Variants in ZNF136 observed in about 807,000 individuals in gnomAD.
ZNF136 encodes zinc finger protein 136, also known as zinc finger protein 136 (clone pHZ-20).
ZNF136 carries 8 observed loss-of-function variants against 11.4 expected under a neutral mutation model. The ratio of observed to expected loss-of-function variants is 0.70; its 90% confidence interval spans 0.41 to 1.27. ZNF136 has a LOEUF of 1.27. Among genes scored for constraint, ZNF136 ranks in the 50% most tolerant of loss-of-function variants. The pLI, the probability that ZNF136 is intolerant of heterozygous loss-of-function variation, is 0.01. For missense variants in ZNF136, 590 were observed against 656.5 expected (o/e 0.90, Z 1.11); for synonymous variants, 190 against 207.1 (o/e 0.92, Z 0.71).
chr19:12,171,530 T>A (rs1396587707), intron 1 of ZNF136, among the ~76,000 whole-genome samples: 2 of 152,220 alleles, frequency 1.3e-5, no homozygotes, highest in South Asian at 4.1e-4. Context: ...CTTGTCACAT[T>A]AAAGTCATTT....
At position 12,189,006 on chromosome 19, in the gene ZNF136, A is replaced by G. The variant is rs1398892607; in HGVS notation, c.*1005A>G. ...ATTTCAAATGCTTAATCTCACAAAG[A>G]AATGTTAAATTGATATAATCCTGTA... is the stretch of plus-strand genomic sequence containing the variant. On this transcript the variant is annotated 3_prime_UTR_variant, in exon 4 of 4. Transcript: ENST00000343979. The G allele has an allele frequency of 6.6e-6, 1 of 152,222 alleles. No homozygotes were observed. The allele number at this position is 152,222 out of a possible 1,614,324, so 9.4% of individuals were successfully genotyped here. A position where few individuals can be genotyped will look rare whatever the true frequency, so the allele number is the denominator to read the frequency against.
chr19:12,187,389 A>G lies in ZNF136; in HGVS notation c.1011A>G (p.Val337=). ...TTCACACTGGTGAGAAACCCTTCGT[A>G]TGTAAACAATGTGGTAAAGCCTTTA... ...ERIHTGEKPF[V]CKQCGKAFRS... Residue 337 remains valine (V), a synonymous_variant, in exon 4 of 4, where the codon GTA becomes GTG. Transcript: ENST00000343979. 6.2e-7 allele frequency: 1 copy of G among 1,614,116 alleles called. No individual in the cohort carries two copies. The highest frequency in any genetic ancestry group is 1.1e-5 in the South Asian group (1 of 91,078).
intron 1 of ZNF136, among the ~76,000 whole-genome samples, chr19:12,177,327 A>G (rs1015259591): frequency 6.6e-6 from 1 of 152,206 alleles, no homozygotes; most frequent in African/African-American, 2.4e-5. Context: ...GTCCCACTTA[A>G]GTATAGAAGT....
intron 1 of ZNF136, among the ~76,000 whole-genome samples, chr19:12,165,547 A>G (rs192884934): frequency 2.8e-4 from 42 of 152,244 alleles, no homozygotes; most frequent in Admixed American, 1.2e-3. Flanking sequence ...GTATTTCTCC[A>G]TATTTTGGAG....
chr19:12,167,987 T>G (rs1914521982), intron 1 of ZNF136, among the ~76,000 whole-genome samples: 1 of 151,350 alleles, frequency 6.6e-6, no homozygotes, highest in Non-Finnish European at 1.5e-5. Context: ...TTCCATTACT[T>G]CACGGCCTTT....
At chr19:12,181,379 T>A (rs967681349) in intron 1 of ZNF136, among the ~76,000 whole-genome samples, 1 of 152,206 alleles carries the variant, frequency 6.6e-6, no homozygotes, top group Non-Finnish European at 1.5e-5. Flanking sequence ...AAATTGTAGG[T>A]ATAATTTCTG....
chr19:12,189,770 CTGT>C lies in ZNF136; in HGVS notation c.*1774_*1776del, dbSNP rs1915209289. 6.6e-6 allele frequency: 1 copy of C among 152,086 alleles called. No homozygotes were observed. Among genetic ancestry groups the C allele is most frequent in the South Asian group, 2.1e-4 (1 of 4,820 alleles). 9.4% of individuals were successfully genotyped at this position (152,086 alleles called of 1,614,324 possible). ...TAGTCTCGTGAATTATTATTTTAAC[CTGT>C]TGTTCTTTACTCCTTGTTATTTATT... On this transcript the variant is annotated 3_prime_UTR_variant, in exon 4 of 4. Transcript: ENST00000343979.
In ZNF136 at chr19:12,187,130, C is replaced by G; in HGVS notation, c.752C>G (p.Pro251Arg). ...RHMIKHTGDG[P>R]YKCKVCGKPF... ...ATGATAAAGCACACTGGAGATGGAC[C>G]TTATAAATGTAAGGTATGTGGGAAA... The change falls in exon 4 of 4, where the codon CCT (proline) becomes CGT (arginine). Residue 251 changes from proline (P) to arginine (R), a missense_variant. Pro to Arg is a moderately radical substitution (Grantham distance 103). Transcript: ENST00000343979. The G allele has an allele frequency of 6.2e-7, 1 of 1,614,114 alleles. No homozygotes were observed. Among genetic ancestry groups the G allele is most frequent in the Non-Finnish European group, 8.5e-7 (1 of 1,180,006 alleles).
intron 1 of ZNF136, chr19:12,185,108 C>A (rs1162104314): frequency 6.6e-6 from 1 of 152,220 alleles, no homozygotes; most frequent in Non-Finnish European, 1.5e-5. Flanking sequence ...CTCTTGGCAA[C>A]TATATTTATA....
chr19:12,187,702 C>G lies in ZNF136; in HGVS notation c.1324C>G (p.His442Asp). Residue 442 changes from histidine to aspartate, a missense_variant, in exon 4 of 4, where the codon CAT becomes GAT. His to Asp is a moderately conservative substitution (Grantham distance 81). Transcript: ENST00000343979. ...ATCAATTCGAATACATGAAAGAACT[C>G]ATACTGGAGAGAAACCCTATGAGTG... is the stretch of plus-strand genomic sequence containing the variant. ...STSIRIHERT[H>D]TGEKPYECKQ... is the part of the protein sequence containing the mutation. The G allele has an allele frequency of 6.2e-7, 1 of 1,614,102 alleles. No individual in the cohort carries two copies. Among genetic ancestry groups the G allele is most frequent in the Non-Finnish European group, 8.5e-7 (1 of 1,180,022 alleles).
At chr19:12,166,799 C>G (rs937958907) in intron 1 of ZNF136, among the ~76,000 whole-genome samples, 2 of 152,118 alleles carry the variant, frequency 1.3e-5, no homozygotes, top group Non-Finnish European at 2.9e-5. Flanking sequence ...CTGGATTCAT[C>G]AAACATGAGT....
intron 1 of ZNF136, among the ~76,000 whole-genome samples, chr19:12,180,057 G>A (rs970925563): frequency 2.0e-5 from 3 of 151,916 alleles, no homozygotes; most frequent in Non-Finnish European, 4.4e-5. Flanking sequence ...TAGTAGAGAC[G>A]GGGTTTCACC....
intron 1 of ZNF136, among the ~76,000 whole-genome samples, chr19:12,166,580 G>A (rs1977189791): frequency 6.6e-6 from 1 of 152,208 alleles, no homozygotes; most frequent in Admixed American, 6.5e-5. Context: ...TTGGAACTTA[G>A]CAGATTCTAA....
intron 1 of ZNF136, 135 bp from the exon 2 acceptor site, chr19:12,185,650 G>A (rs2145642074): frequency 8.8e-7 from 1 of 1,133,512 alleles, no homozygotes; most frequent in East Asian, 2.6e-5. Context: ...GTGGAAGGAA[G>A]TGAGTATGAT....
Position 12,177,558 on chromosome 19 carries a change from A to G in ZNF136, c.4-8227A>G, listed in dbSNP as rs181444519. ...GAGATGGGGTTTCACTATGTTGGCTAGGCTGCTCGTGAACTCCTGACCTCG... is the reference window on the plus strand; with the variant it reads ...GAGATGGGGTTTCACTATGTTGGCTGGGCTGCTCGTGAACTCCTGACCTCG... On this transcript the variant is annotated intron_variant, in intron 1 of 3. Transcript: ENST00000343979. Among the ~76,000 whole-genome samples, 999 of 152,274 alleles carry G rather than the reference A, an allele frequency of 6.6e-3. 16 individuals are homozygous for G. The highest frequency in any genetic ancestry group is 0.023 in the African/African-American group (953 of 41,544).
intron 1 of ZNF136, among the ~76,000 whole-genome samples, chr19:12,181,522 G>C (rs1914942206): frequency 6.6e-6 from 1 of 151,538 alleles, no homozygotes; most frequent in African/African-American, 2.4e-5. Flanking sequence ...GCCGAGGCTG[G>C]AATGCAGTGG....
intron 1 of ZNF136, among the ~76,000 whole-genome samples, chr19:12,172,763 C>G (rs1175367948): frequency 1.3e-5 from 2 of 152,148 alleles, no homozygotes; most frequent in Non-Finnish European, 2.9e-5. Flanking sequence ...CCTGTAATCC[C>G]AGTACTGTGG....
intron 1 of ZNF136, among the ~76,000 whole-genome samples, chr19:12,183,854 A>C (rs1415618214): frequency 6.6e-6 from 1 of 152,164 alleles, no homozygotes. Context: ...CTTCTGCCTC[A>C]ACCTCCCAAT....
rs760680161 is a variant in ZNF136 at position 12,167,605 on chromosome 19, A to G, written c.3+4399A>G. ...CCGGGTGCGGTGGCTCACGCCTGAAATCCCAGCACTTTGGGAGGCCAAGAC... is the reference window on the plus strand; with the variant it reads ...CCGGGTGCGGTGGCTCACGCCTGAAGTCCCAGCACTTTGGGAGGCCAAGAC... On this transcript the variant is annotated intron_variant, in intron 1 of 3. Coordinates refer to ENST00000343979, the MANE Select transcript of ZNF136 (RefSeq NM_003437.5). 2.8e-4 allele frequency among the ~76,000 whole-genome samples: 43 copies of G among 152,170 alleles called. 1 individual carries two copies. In the Middle Eastern group the frequency reaches 9.5e-3, roughly 34 times the overall value.
Sources: gnomAD v4.1 joint callset for allele counts (sites outside exome capture counted in the v4.1 genomes callset) on GRCh38, gnomAD v4.1.1 for gene constraint, MANE v1.5 for transcripts, NCBI Gene and HGNC (gene_info 2026-07-23, HGNC 2026-07-21) for gene names.